WDPCP: variants seen among roughly 807,000 people sequenced by gnomAD.
WDPCP encodes WD repeat containing planar cell polarity effector.
Under a neutral mutation model 93.1 loss-of-function variants are expected in WDPCP, and 71 were observed. The observed-to-expected ratio is 0.76, with a 90% confidence interval of 0.63 to 0.93. WDPCP has a LOEUF of 0.93. Among genes scored for constraint, WDPCP ranks in the 40% least tolerant of loss-of-function variants. The pLI is 0.00. For missense variants in WDPCP, 844 were observed against 887.4 expected (o/e 0.95, Z 0.62); for synonymous variants, 315 against 315.0 (o/e 1.00, Z 0.00).
intron 17 of WDPCP, among the ~76,000 whole-genome samples, chr2:63,144,850 G>A (rs1320621355): frequency 2.6e-5 from 4 of 152,160 alleles, no homozygotes; most frequent in Non-Finnish European, 5.9e-5. Flanking sequence ...CATATTACCA[G>A]GGTTTGTTTT....
chr2:63,813,872 T>A (rs1481117619), intron 1 of WDPCP, among the ~76,000 whole-genome samples: 2 of 152,242 alleles, frequency 1.3e-5, no homozygotes, highest in Non-Finnish European at 2.9e-5. Flanking sequence ...ATATGTTTGA[T>A]AATAAATACT....
chr2:63,665,903 C>T (rs546346584), intron 2 of WDPCP, among the ~76,000 whole-genome samples: 1 of 152,346 alleles, frequency 6.6e-6, no homozygotes, highest in African/African-American at 2.4e-5. Context: ...ATACTTGATA[C>T]TATAAACAGA....
intron 1 of WDPCP, among the ~76,000 whole-genome samples, chr2:63,555,735 C>G (rs764833478): frequency 3.9e-5 from 6 of 152,122 alleles, no homozygotes; most frequent in African/African-American, 1.4e-4. Context: ...GGACCCCCAG[C>G]AAGCTGCAGC....
At chr2:63,838,295 G>T in the WDPCP span, among the ~76,000 whole-genome samples, 1 of 152,180 alleles carries the variant, frequency 6.6e-6, no homozygotes. Flanking sequence ...TGTTGATAGA[G>T]AGCTCCTGTC....
intron 9 of WDPCP, among the ~76,000 whole-genome samples, chr2:63,419,375 C>G (rs942611343): frequency 6.6e-6 from 1 of 152,150 alleles, no homozygotes; most frequent in Admixed American, 6.5e-5. Flanking sequence ...CTCCTGACCT[C>G]ATGATCCACT....
intron 13 of WDPCP, among the ~76,000 whole-genome samples, chr2:63,260,929 G>C (rs1171436050): frequency 6.6e-6 from 1 of 152,200 alleles, no homozygotes; most frequent in African/African-American, 2.4e-5. Flanking sequence ...CAGTCCTCAA[G>C]TTAAGAATGG....
At chr2:63,347,774 T>G (rs1205776073) in intron 12 of WDPCP, among the ~76,000 whole-genome samples, 1 of 131,640 alleles carries the variant, frequency 7.6e-6, no homozygotes, top group African/African-American at 3.0e-5. Flanking sequence ...CTTTATTGAG[T>G]CCCAGCTATG....
the WDPCP span, among the ~76,000 whole-genome samples, chr2:63,839,323 G>T: frequency 6.6e-6 from 1 of 152,216 alleles, no homozygotes; most frequent in Admixed American, 6.5e-5. Context: ...ACTTTGGGAG[G>T]CTGAGGCAGG....
At chr2:63,192,482 A>G (rs1315812552) in intron 14 of WDPCP, among the ~76,000 whole-genome samples, 4 of 152,204 alleles carry the variant, frequency 2.6e-5, no homozygotes, top group Non-Finnish European at 5.9e-5. Context: ...CAGTTAGCCC[A>G]TTTGCATATA....
At chr2:63,570,596 A>G (rs1707411906) in intron 1 of WDPCP, among the ~76,000 whole-genome samples, 1 of 152,260 alleles carries the variant, frequency 6.6e-6, no homozygotes, top group Non-Finnish European at 1.5e-5. Context: ...ACATCTAGGT[A>G]GATGATCATT....
chr2:63,127,313 C>T (rs1465492015), intron 17 of WDPCP, among the ~76,000 whole-genome samples: 1 of 151,528 alleles, frequency 6.6e-6, no homozygotes, highest in Non-Finnish European at 1.5e-5. Context: ...TTAGTAGAGA[C>T]GGGGTTTCAC....
chr2:63,321,386 CTGTGTG>C (rs59970085), intron 12 of WDPCP, among the ~76,000 whole-genome samples: 31 of 148,528 alleles, frequency 2.1e-4, no homozygotes, highest in Admixed American at 4.0e-4. Context: ...TATATACACT[CTGTGTG>C]TGTGTGTGTG....
intron 2 of WDPCP, among the ~76,000 whole-genome samples, chr2:63,736,338 T>C (rs1669640632): frequency 1.3e-5 from 2 of 152,224 alleles, no homozygotes; most frequent in Admixed American, 1.3e-4. Context: ...AAGGTATTGC[T>C]GTCTGGATGA....
chr2:63,125,384 A>G (rs1426882575), intron 17 of WDPCP, among the ~76,000 whole-genome samples: 1 of 152,222 alleles, frequency 6.6e-6, no homozygotes, highest in African/African-American at 2.4e-5. Context: ...CCTTATAAAG[A>G]GGAGTTATAA....
chr2:63,166,377 G>A (rs1672979347), intron 15 of WDPCP, among the ~76,000 whole-genome samples: 1 of 147,820 alleles, frequency 6.8e-6, no homozygotes, highest in Non-Finnish European at 1.5e-5. Context: ...TTTTTAATTT[G>A]TTGGATACGT....
At chr2:63,731,033 G>A (rs1002050480) in intron 2 of WDPCP, among the ~76,000 whole-genome samples, 33 of 152,212 alleles carry the variant, frequency 2.2e-4, no homozygotes, top group African/African-American at 7.7e-4. Flanking sequence ...CACTTTGGGA[G>A]GCCGAGGCGG....
At chr2:63,274,864 TACCAA>T (rs1315400908) in intron 13 of WDPCP, among the ~76,000 whole-genome samples, 1 of 152,186 alleles carries the variant, frequency 6.6e-6, no homozygotes, top group Non-Finnish European at 1.5e-5. Flanking sequence ...TATTGAATTC[TACCAA>T]ACTTAGAAAT....
At chr2:63,159,451 T>C (rs1365508377) in intron 15 of WDPCP, among the ~76,000 whole-genome samples, 1 of 152,144 alleles carries the variant, frequency 6.6e-6, no homozygotes, top group Non-Finnish European at 1.5e-5. Flanking sequence ...ATTCCAACAT[T>C]TGTCATCTCA....
chr2:63,245,769 ATTAC>A (rs1332890678), intron 14 of WDPCP, among the ~76,000 whole-genome samples: 4 of 152,114 alleles, frequency 2.6e-5, no homozygotes, highest in Non-Finnish European at 2.9e-5. Context: ...AATTTTTATT[ATTAC>A]TTTTAATTAT....
Sources: gnomAD v4.1 joint callset for allele counts (sites outside exome capture counted in the v4.1 genomes callset) on GRCh38, gnomAD v4.1.1 for gene constraint, MANE v1.5 for transcripts, NCBI Gene and HGNC (gene_info 2026-07-23, HGNC 2026-07-21) for gene names.